The following PANK4 variants were observed in gnomAD, a reference collection of about 807,000 sequenced individuals.
PANK4 encodes 4'-phosphopantetheine phosphatase.
PANK4 carries 40 observed loss-of-function variants against 87.9 expected under a neutral mutation model. The observed-to-expected ratio is 0.46, with a 90% CI of 0.35 to 0.59. The LOEUF (loss-of-function observed/expected upper bound fraction) is 0.59, where lower values mean the gene tolerates loss of function less well. Ranked by LOEUF, PANK4 falls within the 20% of genes least tolerant of loss-of-function variation. The probability of loss-of-function intolerance (pLI) is 0.00; values close to 1 mark genes in which losing one functional copy is unlikely to be tolerated. For synonymous variants in PANK4, 524 were observed against 467.4 expected (o/e 1.12, Z -1.56); for missense variants, 926 against 1,072.3 (o/e 0.86, Z 1.90).
chr1:2,512,120 G>A (rs1256575347), intron 13 of PANK4, among the ~76,000 whole-genome samples: 2 of 152,234 alleles, frequency 1.3e-5, no homozygotes, highest in South Asian at 2.1e-4. Flanking sequence ...TGGTCCCTGT[G>A]CTTGGCACCC....
At position 2,508,594 on chromosome 1, in the gene PANK4, C is replaced by T. The variant is rs1643605282; in HGVS notation, c.*253G>A. The T allele has an allele frequency of 4.8e-6, 1 of 209,820 alleles. No individual in the cohort carries two copies. The highest frequency in any genetic ancestry group is 1.9e-4 in the South Asian group (1 of 5,202). 13.0% of individuals were successfully genotyped at this position (209,820 alleles called of 1,614,324 possible). ...CGGTGCTGCGTCCCGTCAGACATAC[C>T]TGTATAGATCTCTCTATTTATATAT... On this transcript the variant is annotated 3_prime_UTR_variant, in exon 19 of 19. Coordinates refer to ENST00000378466, the MANE Select transcript of PANK4 (RefSeq NM_018216.4). This position sits in a 1 kb window ranked among gnomAD's most constrained non-coding sequence, Gnocchi z 5.1.
chr1:2,513,231 C>T (rs574427326), intron 12 of PANK4, among the ~76,000 whole-genome samples, 192 bp from the exon 13 acceptor site: 1 of 152,356 alleles, frequency 6.6e-6, no homozygotes, highest in South Asian at 2.1e-4. Flanking sequence ...GCTCTGAGGA[C>T]GAGGCCCAGG....
At position 2,515,374 on chromosome 1, in the gene PANK4, A is replaced by G. The variant is rs1017079896; in HGVS notation, c.1374+188T>C. ...GCAGACGCCACGTCCTCACTGACCC[A>G]CCAGGTGGCCAGGAGCGGTATTTTT... On this transcript the variant is annotated intron_variant, in intron 10 of 18. Transcript: ENST00000378466. The surrounding 1 kb of genome is among the most constrained non-coding windows in gnomAD (Gnocchi z 5.0). 3 of 711,674 alleles carry G rather than the reference A, an allele frequency of 4.2e-6. No individual in the cohort carries two copies. In the Admixed American group the frequency reaches 6.0e-5, roughly 14 times the overall value. 44.1% of individuals were successfully genotyped at this position (711,674 alleles called of 1,614,324 possible). A position where few individuals can be genotyped will look rare whatever the true frequency, so the allele number is the denominator to read the frequency against.
chr1:2,509,876 C>T lies in PANK4; in HGVS notation c.2094G>A (p.Pro698=), dbSNP rs755460635. The change falls in exon 18 of 19, where the codon CCG becomes CCA. Residue 698 remains proline, a synonymous_variant. Transcript: ENST00000378466. The surrounding 1 kb of genome is among the most constrained non-coding windows in gnomAD (Gnocchi z 4.9). ...LLLVQTGSSS[P]CLDLSRLDKG... Reference sequence around the variant, plus strand: ...TGCGGGGTTACCTGAGGTCGAGGCACGGGGAGCTGGAGCCCGTCTGCACCA... The same window carrying T: ...TGCGGGGTTACCTGAGGTCGAGGCATGGGGAGCTGGAGCCCGTCTGCACCA... The T allele has an allele frequency of 3.2e-5, 51 of 1,611,846 alleles. No individual in the cohort carries two copies. The highest frequency in any genetic ancestry group is 4.4e-5 in the South Asian group (4 of 90,958).
At chr1:2,516,123 C>G (rs1570539597) in intron 9 of PANK4, among the ~76,000 whole-genome samples, 1 of 152,148 alleles carries the variant, frequency 6.6e-6, no homozygotes, top group South Asian at 2.1e-4. Context: ...TCCCGTGACC[C>G]CTGCAGTCAC....
In PANK4 at chr1:2,519,136, C is replaced by T. The variant is rs1557444667; in HGVS notation, c.1035+7G>A. ...TTAGAGGCTGGGGAGGGCGGCGCATCCGTTACCTTGGAGAAGAAGTTGATG... is the reference window on the plus strand; with the variant it reads ...TTAGAGGCTGGGGAGGGCGGCGCATTCGTTACCTTGGAGAAGAAGTTGATG... On this transcript the variant is annotated splice_region_variant and intron_variant, in intron 7 of 18. Coordinates refer to ENST00000378466, the MANE Select transcript of PANK4 (RefSeq NM_018216.4). The surrounding 1 kb of genome is among the most constrained non-coding windows in gnomAD (Gnocchi z 8.3). The T allele has an allele frequency of 6.2e-7, 1 of 1,609,860 alleles. No homozygotes were observed. The highest frequency in any genetic ancestry group is 2.2e-5 in the East Asian group (1 of 44,772).
At position 2,520,838 on chromosome 1, in the gene PANK4, T is replaced by C. The variant is rs770096077; in HGVS notation, c.491A>G (p.His164Arg). ...ATCCTTCTGGTACACGAAGGCCTCA[T>C]GGGGGATGTTCTTGAGCACGAAGTT... is the stretch of plus-strand genomic sequence containing the variant. ...GCNFVLKNIP[H>R]EAFVYQKDSD... Residue 164 changes from histidine (H) to arginine (R), a missense_variant, in exon 4 of 19, where the codon CAT becomes CGT. Coordinates refer to ENST00000378466, the MANE Select transcript of PANK4 (RefSeq NM_018216.4). This position sits in a 1 kb window ranked among gnomAD's most constrained non-coding sequence, Gnocchi z 6.2. 13 of 1,598,020 alleles carry C rather than the reference T, an allele frequency of 8.1e-6. No individual in the cohort carries two copies. Among genetic ancestry groups the C allele is most frequent in the South Asian group, 6.8e-5 (6 of 88,750 alleles).
In PANK4 at chr1:2,519,296, G is replaced by A. The variant is rs776309873; in HGVS notation, c.882C>T (p.Ser294=). Residue 294 remains serine (S), a synonymous_variant, in exon 7 of 19, where the codon AGC becomes AGT. Transcript: ENST00000378466. This position sits in a 1 kb window ranked among gnomAD's most constrained non-coding sequence, Gnocchi z 8.3. ...TGTCGTTGCTGATCATGTGCAGCAG[G>A]CTCTTCGCCATGTCTTCTTTGGAGA... ...QEFSKEDMAK[S]LLHMISNDIG... The A allele has an allele frequency of 2.5e-6, 4 of 1,610,106 alleles. No homozygotes were observed. The highest frequency in any genetic ancestry group is 3.4e-6 in the Non-Finnish European group (4 of 1,178,184).
chr1:2,521,694 C>T (rs376092858), intron 2 of PANK4, 24 bp downstream of exon 2: 10 of 1,586,726 alleles, frequency 6.3e-6, no homozygotes, highest in African/African-American at 5.4e-5. Flanking sequence ...TGCCCTGCCC[C>T]GGGTGGCCAC....
At position 2,520,422 on chromosome 1, in the gene PANK4, A is replaced by G. The variant is rs1216804531; in HGVS notation, c.607-8T>C. ...CCTGTCCTCCGTCTCCACCTGCAAC[A>G]GAGCCAGGGCAGGTGTGCCCTCAGT... is the stretch of plus-strand genomic sequence containing the variant. On this transcript the variant is annotated splice_region_variant and splice_polypyrimidine_tract_variant and intron_variant, in intron 4 of 18. Transcript: ENST00000378466. The surrounding 1 kb of genome is among the most constrained non-coding windows in gnomAD (Gnocchi z 6.2). The G allele has an allele frequency of 3.1e-6, 5 of 1,610,988 alleles. No individual in the cohort carries two copies. The highest frequency in any genetic ancestry group is 3.4e-6 in the Non-Finnish European group (4 of 1,178,520).
At chr1:2,523,757 G>A (rs1643897464) in intron 1 of PANK4, among the ~76,000 whole-genome samples, 1 of 151,968 alleles carries the variant, frequency 6.6e-6, no homozygotes, top group South Asian at 2.1e-4. Context: ...TGTTAGAGCA[G>A]AGGGAACCGC....
At chr1:2,522,553 G>A (rs558272439) in intron 1 of PANK4, among the ~76,000 whole-genome samples, 1 of 152,180 alleles carries the variant, frequency 6.6e-6, no homozygotes, top group African/African-American at 2.4e-5. Context: ...TCTTGAAGAA[G>A]GCCTTTTCAA....
Position 2,510,719 on chromosome 1 carries a change from C to A in PANK4, c.1897G>T (p.Val633Phe). ...AGTAGCTCCCTGACAAAGGGGAAGA[C>A]TCCCAAAATGATGTCTATTCCACTG... ...DNSGIDIILGVFPFVRELLLR... is the reference protein window; with the variant it reads ...DNSGIDIILGFFPFVRELLLR... The change falls in exon 16 of 19, where the codon GTC becomes TTC. Residue 633 changes from valine (V) to phenylalanine (F), a missense_variant. By Grantham distance (50) the Val-to-Phe change is conservative (BLOSUM62 -1). Coordinates refer to ENST00000378466, the MANE Select transcript of PANK4 (RefSeq NM_018216.4). The surrounding 1 kb of genome is among the most constrained non-coding windows in gnomAD (Gnocchi z 4.9). The A allele has an allele frequency of 1.9e-6, 3 of 1,612,132 alleles. No homozygotes were observed. Among genetic ancestry groups the A allele is most frequent in the Non-Finnish European group, 1.7e-6 (2 of 1,178,876 alleles).
rs1643840805 is a variant in PANK4 at position 2,519,234 on chromosome 1, C to T, written c.944G>A (p.Ser315Asn). 4 of 1,612,844 alleles carry T rather than the reference C, an allele frequency of 2.5e-6. No homozygotes were observed. The highest frequency in any genetic ancestry group is 3.4e-6 in the Non-Finnish European group (4 of 1,179,904). ...QLACLHARLH[S>N]LDRVYFGGFF... ...GCCTCCAAAGTACACGCGGTCCAGG[C>T]TGTGCAGCCGTGCGTGGAGGCAGGC... Residue 315 changes from serine (S) to asparagine (N), a missense_variant, in exon 7 of 19, where the codon AGC (serine) becomes AAC (asparagine). Coordinates refer to ENST00000378466, the MANE Select transcript of PANK4 (RefSeq NM_018216.4). The surrounding 1 kb of genome is among the most constrained non-coding windows in gnomAD (Gnocchi z 8.3).
chr1:2,520,072 C>A lies in PANK4; in HGVS notation c.700-118G>T. 1 of 998,954 alleles carries A rather than the reference C, an allele frequency of 1.0e-6. No homozygotes were observed. The highest frequency in any genetic ancestry group is 2.7e-5 in the Admixed American group (1 of 37,304). The allele number at this position is 998,954 out of a possible 1,614,324, so 61.9% of individuals were successfully genotyped here. On this transcript the variant is annotated intron_variant, in intron 5 of 18. Coordinates refer to ENST00000378466, the MANE Select transcript of PANK4 (RefSeq NM_018216.4). This position sits in a 1 kb window ranked among gnomAD's most constrained non-coding sequence, Gnocchi z 6.2. Reference sequence around the variant, plus strand: ...GGGCAGGGGGTAAATGGGCCCTCATCGCGTGGGACCAAAGGCAGGAGGCGG... The same window carrying A: ...GGGCAGGGGGTAAATGGGCCCTCATAGCGTGGGACCAAAGGCAGGAGGCGG...
In PANK4 at chr1:2,508,677, G is replaced by A. The variant is rs1643608615; in HGVS notation, c.*170C>T. On this transcript the variant is annotated 3_prime_UTR_variant, in exon 19 of 19. Coordinates refer to ENST00000378466, the MANE Select transcript of PANK4 (RefSeq NM_018216.4). This position sits in a 1 kb window ranked among gnomAD's most constrained non-coding sequence, Gnocchi z 5.1. ...TAGATTCCAATATGAACGTCTCCCA[G>A]GACAAAGCTGCGTCTCGCCTCTGGG... is the stretch of plus-strand genomic sequence containing the variant. The A allele has an allele frequency of 6.9e-6, 4 of 575,740 alleles. No homozygotes were observed. Among genetic ancestry groups the A allele is most frequent in the Non-Finnish European group, 9.3e-6 (3 of 323,840 alleles). The allele number at this position is 575,740 out of a possible 1,614,324, so 35.7% of individuals were successfully genotyped here. A position where few individuals can be genotyped will look rare whatever the true frequency, so the allele number is the denominator to read the frequency against.
chr1:2,520,661 G>T lies in PANK4; in HGVS notation c.606+62C>A, dbSNP rs1570547258. The T allele has an allele frequency of 6.6e-7, 1 of 1,509,040 alleles. No individual in the cohort carries two copies. The highest frequency in any genetic ancestry group is 9.1e-7 in the Non-Finnish European group (1 of 1,096,350). The allele number at this position is 1,509,040 out of a possible 1,614,324, so 93.5% of individuals were successfully genotyped here. A position where few individuals can be genotyped will look rare whatever the true frequency, so the allele number is the denominator to read the frequency against. On this transcript the variant is annotated intron_variant, in intron 4 of 18. Transcript: ENST00000378466. This position sits in a 1 kb window ranked among gnomAD's most constrained non-coding sequence, Gnocchi z 6.2. ...TGCCCAGCCCTGGCTCCTGCACACAGCGAGGGCTTAACAAACTATGGCTAA... is the reference window on the plus strand; with the variant it reads ...TGCCCAGCCCTGGCTCCTGCACACATCGAGGGCTTAACAAACTATGGCTAA...
rs2100787052 is a variant in PANK4 at position 2,519,089 on chromosome 1, G to A, written c.1035+54C>T. On this transcript the variant is annotated intron_variant, in intron 7 of 18. Coordinates refer to ENST00000378466, the MANE Select transcript of PANK4 (RefSeq NM_018216.4). The surrounding 1 kb of genome is among the most constrained non-coding windows in gnomAD (Gnocchi z 8.3). Reference sequence around the variant, plus strand: ...GGTGTCTAACCAGCATGACTGATTGGGAAGATCCTGGGGGGTCTGCGTTAG... The same window carrying A: ...GGTGTCTAACCAGCATGACTGATTGAGAAGATCCTGGGGGGTCTGCGTTAG... 1 of 1,524,570 alleles carries A rather than the reference G, an allele frequency of 6.6e-7. No homozygotes were observed. The highest frequency in any genetic ancestry group is 9.0e-7 in the Non-Finnish European group (1 of 1,112,496). The allele number at this position is 1,524,570 out of a possible 1,614,324, so 94.4% of individuals were successfully genotyped here.
In PANK4 at chr1:2,509,391, G is replaced by C. The variant is rs920186211; in HGVS notation, c.2109-331C>G. Reference sequence around the variant, plus strand: ...AAGCCAGCACTGGAGAATCCCACCAGGCAGAGCAGACCAGCGGCCCCAGCA... The same window carrying C: ...AAGCCAGCACTGGAGAATCCCACCACGCAGAGCAGACCAGCGGCCCCAGCA... On this transcript the variant is annotated intron_variant, in intron 18 of 18. Transcript: ENST00000378466. This position sits in a 1 kb window ranked among gnomAD's most constrained non-coding sequence, Gnocchi z 4.9. Among the ~76,000 whole-genome samples the C allele has an allele frequency of 5.3e-5, 8 of 152,194 alleles. No individual in the cohort carries two copies. The highest frequency in any genetic ancestry group is 1.9e-4 in the African/African-American group (8 of 41,446).
Sources: gnomAD v4.1 joint callset for allele counts (sites outside exome capture counted in the v4.1 genomes callset) on GRCh38, gnomAD v4.1.1 for gene constraint, Gnocchi (gnomAD v3.1) non-coding constraint, MANE v1.5 for transcripts, NCBI Gene and HGNC (gene_info 2026-07-23, HGNC 2026-07-21) for gene names.